The following LCK variants were observed in gnomAD, a reference collection of about 807,000 sequenced individuals.
The protein encoded by LCK is tyrosine-protein kinase Lck.
In LCK, 14 loss-of-function variants were observed where a neutral mutation model predicts 64.6. The ratio of observed to expected loss-of-function variants is 0.22; its 90% CI spans 0.14 to 0.34. The LOEUF (loss-of-function observed/expected upper bound fraction) is 0.34. Ranked by LOEUF, LCK falls within the 10% of genes least tolerant of loss-of-function variation. The pLI, the probability that LCK is intolerant of heterozygous loss-of-function variation, is 1.00. For synonymous variants in LCK, 277 were observed against 263.6 expected, an observed-to-expected ratio of 1.05 and a Z score of -0.49; for missense variants, 434 against 668.1, an observed-to-expected ratio of 0.65 and a Z score of 3.86.
intron 1 of LCK, among the ~76,000 whole-genome samples, chr1:32,259,873 C>T (rs1164662736): frequency 1.3e-5 from 2 of 151,820 alleles, no homozygotes; most frequent in African/African-American, 4.8e-5. Context: ...CCTGCTAGCC[C>T]TGATTCTTGA....
chr1:32,279,563 T>C, intron 9 of LCK, 108 bp from the exon 10 acceptor site: 3 of 1,589,340 alleles, frequency 1.9e-6, no homozygotes, highest in Middle Eastern at 1.7e-4. Context: ...CTCTTCAATC[T>C]TCCTTTTCAC....
At chr1:32,285,364 AAGTACCTCTAGTGTG>A in intron 12 of LCK, 135 bp from the exon 13 acceptor site, 1 of 711,582 alleles carries the variant, frequency 1.4e-6, no homozygotes, top group Non-Finnish European at 2.5e-6. Context: ...GATATTCAAC[AAGTACCTCTAGTGTG>A]ACCTTACCAT....
At position 32,275,739 on chromosome 1, in the gene LCK, G is replaced by A. The variant is rs1640244992; in HGVS notation, c.481+67G>A. ...GGGTGTGCCCGAGGGGGGGCGCAGG[G>A]TGAGCCCGAGGTGGAGACACGGGGT... On this transcript the variant is annotated intron_variant, in intron 6 of 12. Transcript: ENST00000336890. This position sits in a 1 kb window ranked among gnomAD's most constrained non-coding sequence, Gnocchi z 6.9. 2 of 1,450,828 alleles carry A rather than the reference G, an allele frequency of 1.4e-6. No individual in the cohort carries two copies. Among genetic ancestry groups the A allele is most frequent in the African/African-American group, 2.8e-5 (2 of 71,198 alleles). 89.9% of individuals were successfully genotyped at this position (1,450,828 alleles called of 1,614,324 possible). A position where few individuals can be genotyped will look rare whatever the true frequency, so the allele number is the denominator to read the frequency against.
In LCK at chr1:32,277,321, G is replaced by C. The variant is rs544667627; in HGVS notation, c.964+535G>C. 5 of 152,018 alleles carry C rather than the reference G, an allele frequency of 3.3e-5. No homozygotes were observed. In the East Asian group the frequency reaches 9.6e-4, roughly 29 times the overall value. 9.4% of individuals were successfully genotyped at this position (152,018 alleles called of 1,614,324 possible). On this transcript the variant is annotated intron_variant, in intron 9 of 12. Coordinates refer to ENST00000336890, the MANE Select transcript of LCK (RefSeq NM_005356.5). The stretch of plus-strand genomic sequence containing the variant: ...CTAAGGTGGCAAGAATGTTCTGGAA[G>C]AGCATTCACCCCAACCTTCCCTGAC...
At chr1:32,256,576 C>G (rs1247530554) in intron 1 of LCK, among the ~76,000 whole-genome samples, 1 of 151,494 alleles carries the variant, frequency 6.6e-6, no homozygotes, top group Admixed American at 6.6e-5. Context: ...CCAGCCTGGG[C>G]AACAAGAGCA....
chr1:32,276,704 G>A lies in LCK; in HGVS notation c.882G>A (p.Gln294=). ...AFLAEANLMK[Q]LQHQRLVRLY... ...TGGCCGAGGCCAACCTCATGAAGCA[G>A]CTGCAACACCAGCGGCTGGTTCGGC... Residue 294 remains glutamine, a synonymous_variant, in exon 9 of 13, where the codon CAG becomes CAA. Transcript: ENST00000336890. The surrounding 1 kb of genome is among the most constrained non-coding windows in gnomAD (Gnocchi z 4.6). 1 of 1,614,100 alleles carries A rather than the reference G, an allele frequency of 6.2e-7. No individual in the cohort carries two copies. Among genetic ancestry groups the A allele is most frequent in the Non-Finnish European group, 8.5e-7 (1 of 1,180,012 alleles).
chr1:32,263,401 T>A (rs1017752232), intron 1 of LCK, among the ~76,000 whole-genome samples: 54 of 124,538 alleles, frequency 4.3e-4, no homozygotes, highest in African/African-American at 4.8e-4. Context: ...TCAAAATAAA[T>A]AAAATAAATA....
In LCK at chr1:32,275,831, G is replaced by T. The variant is rs974945885; in HGVS notation, c.482-83G>T. The T allele has an allele frequency of 3.2e-6, 5 of 1,541,200 alleles. No homozygotes were observed. In the African/African-American group the frequency reaches 6.8e-5, roughly 21 times the overall value. On this transcript the variant is annotated intron_variant, in intron 6 of 12. Transcript: ENST00000336890. The surrounding 1 kb of genome is among the most constrained non-coding windows in gnomAD (Gnocchi z 6.9). ...GGGATGACCCGGAGTTGGGGGTGCT[G>T]GGTGAGCCCAAGGTGGGGGCGCGGT...
chr1:32,276,264 G>A lies in LCK; in HGVS notation c.632-73G>A, dbSNP rs1261011387. The A allele has an allele frequency of 8.6e-6, 13 of 1,510,618 alleles. No homozygotes were observed. In the South Asian group the frequency reaches 1.6e-4, roughly 18 times the overall value. 93.6% of individuals were successfully genotyped at this position (1,510,618 alleles called of 1,614,324 possible). On this transcript the variant is annotated intron_variant, in intron 7 of 12. Coordinates refer to ENST00000336890, the MANE Select transcript of LCK (RefSeq NM_005356.5). The surrounding 1 kb of genome is among the most constrained non-coding windows in gnomAD (Gnocchi z 4.6). ...TCCACTTCACCTAGATGGGGGCTTG[G>A]AGAAGTGGGGGAGGTGGTGTCAATA...
intron 1 of LCK, among the ~76,000 whole-genome samples, chr1:32,258,648 C>CA (rs1350889247): frequency 8.1e-6 from 1 of 123,940 alleles, no homozygotes. Context: ...ACTAAAAATA[C>CA]AAAAAATTAG....
At chr1:32,266,631 ACCTCCTCCTCCTCTTCCT>A (rs1557576919) in intron 1 of LCK, among the ~76,000 whole-genome samples, 2 of 52,360 alleles carry the variant, frequency 3.8e-5, no homozygotes, top group South Asian at 7.3e-4. Context: ...CTCCTCCTTC[ACCTCCTCCTCCTCTTCCT>A]CCTCCCCCTC....
chr1:32,272,957 GT>G (rs1640147117), intron 1 of LCK, among the ~76,000 whole-genome samples: 2 of 146,556 alleles, frequency 1.4e-5, no homozygotes, highest in African/African-American at 5.1e-5. Context: ...GAGAATGTGT[GT>G]GTGTGGGGTG....
intron 1 of LCK, among the ~76,000 whole-genome samples, chr1:32,261,952 G>GA (rs934560000): frequency 0.015 from 592 of 39,972 alleles, 5 homozygotes; most frequent in East Asian, 0.02. Context: ...GACTCTGTCA[G>GA]AAAAAAAAAA....
At chr1:32,269,066 C>T (rs140733416) in intron 1 of LCK, among the ~76,000 whole-genome samples, 24 of 149,826 alleles carry the variant, frequency 1.6e-4, no homozygotes, top group Non-Finnish European at 3.0e-5. Context: ...TGCAGTGAGC[C>T]CAGATCACAC....
Position 32,279,752 on chromosome 1 carries a change from G to T in LCK, c.1041+5G>T. 6.2e-7 allele frequency: 1 copy of T among 1,610,376 alleles called. No individual in the cohort carries two copies. The highest frequency in any genetic ancestry group is 8.5e-7 in the Non-Finnish European group (1 of 1,176,886). On this transcript the variant is annotated splice_donor_5th_base_variant and intron_variant, in intron 10 of 12. Transcript: ENST00000336890. ...CTCCTGGACATGGCAGCCCAAGTAA[G>T]GAGACTGGGGAGGGGGGCTGGGCAA...
intron 3 of LCK, 45 bp from the exon 4 acceptor site, chr1:32,274,948 T>C (rs758959352): frequency 6.2e-7 from 1 of 1,614,198 alleles, no homozygotes; most frequent in Non-Finnish European, 8.5e-7. Context: ...CCAGGCTTCC[T>C]GCCGATCCCA....
At chr1:32,270,691 ACTTTTT>A (rs1640056132) in intron 1 of LCK, among the ~76,000 whole-genome samples, 1 of 83,428 alleles carries the variant, frequency 1.2e-5, no homozygotes, top group Non-Finnish European at 2.4e-5. Context: ...TCGTGCCCGG[ACTTTTT>A]TTTTTTTTTT....
At position 32,274,420 on chromosome 1, in the gene LCK, G is replaced by C; in HGVS notation, c.91G>C (p.Asp31His). Reference protein sequence around the residue: ...ENCHYPIVPLDGKGTLLIRNG... With the variant: ...ENCHYPIVPLHGKGTLLIRNG... Reference sequence around the variant, plus strand: ...CTGCCATTATCCCATAGTCCCACTGGATGGCAAGGGCACGGTAAGAGGCGA... The same window carrying C: ...CTGCCATTATCCCATAGTCCCACTGCATGGCAAGGGCACGGTAAGAGGCGA... Residue 31 changes from aspartate to histidine, a missense_variant, in exon 2 of 13, where the codon GAT becomes CAT. Asp to His is a moderately conservative substitution (Grantham distance 81). Around this residue, in one of 2 missense-constraint regions of LCK, gnomAD observed 233 missense variants for 291.2 expected, o/e 0.80. Transcript: ENST00000336890. The C allele has an allele frequency of 6.2e-7, 1 of 1,612,796 alleles. No homozygotes were observed. The highest frequency in any genetic ancestry group is 1.1e-5 in the South Asian group (1 of 90,976).
At position 32,285,925 on chromosome 1, in the gene LCK, C is replaced by T. The variant is rs1041591217; in HGVS notation, c.*209C>T. 6.6e-6 allele frequency: 4 copies of T among 604,526 alleles called. No homozygotes were observed. Among genetic ancestry groups the T allele is most frequent in the Non-Finnish European group, 1.2e-5 (4 of 340,382 alleles). The allele number at this position is 604,526 out of a possible 1,614,324, so 37.4% of individuals were successfully genotyped here. A position where few individuals can be genotyped will look rare whatever the true frequency, so the allele number is the denominator to read the frequency against. On this transcript the variant is annotated 3_prime_UTR_variant, in exon 13 of 13. Coordinates refer to ENST00000336890, the MANE Select transcript of LCK (RefSeq NM_005356.5). ...ATGTCTTGTACATGTGTAGCCTGTG[C>T]ATGTATGTCTTGGACACTGTACAAG...
Sources: allele counts gnomAD v4.1 joint callset (sites outside exome capture counted in the v4.1 genomes callset), GRCh38; gene constraint gnomAD v4.1.1; regional missense constraint gnomAD v4.1.1; non-coding constraint Gnocchi (gnomAD v3.1); transcripts MANE v1.5; gene names NCBI Gene and HGNC (gene_info 2026-07-23, HGNC 2026-07-21).